COG3: variants seen among roughly 807,000 people sequenced by gnomAD.
COG3 encodes the protein conserved oligomeric Golgi complex subunit 3.
In COG3, 32 loss-of-function variants were observed where a neutral mutation model predicts 114.1. That is an observed-to-expected ratio of 0.28 (90% confidence interval 0.21 to 0.38). The LOEUF is 0.38. COG3 is among the 10% of genes least tolerant of loss of function. The pLI is 1.00. For missense variants in COG3, 813 were observed against 973.2 expected, an observed-to-expected ratio of 0.84 and a Z score of 2.19; for synonymous variants, 352 against 365.7, an observed-to-expected ratio of 0.96 and a Z score of 0.43.
rs1871528273 is a variant in COG3, at chr13:45,516,281, C to G, written c.1930+18C>G. 6.4e-7 allele frequency: 1 copy of G among 1,561,454 alleles called. No individual in the cohort carries two copies. The highest frequency in any genetic ancestry group is 2.3e-5 in the East Asian group (1 of 44,044). ...AACTAGAGGTACTTTGCTGTCCTGGCTGGCACACTTGGGTGTGTTTGATCT... is the reference window on the plus strand; with the variant it reads ...AACTAGAGGTACTTTGCTGTCCTGGGTGGCACACTTGGGTGTGTTTGATCT... On this transcript the variant is annotated intron_variant, in intron 17 of 22. Coordinates refer to ENST00000349995, the MANE Select transcript of COG3 (RefSeq NM_031431.4).
At chr13:45,486,191 T>C (rs1436368448) in intron 7 of COG3, among the ~76,000 whole-genome samples, 2 of 144,402 alleles carry the variant, frequency 1.4e-5, no homozygotes, top group African/African-American at 5.7e-5. Context: ...ATCGCAGGCA[T>C]TCGGCAGACT....
intron 22 of COG3, among the ~76,000 whole-genome samples, chr13:45,533,191 C>T (rs527703131): frequency 3.0e-4 from 45 of 150,996 alleles, no homozygotes; most frequent in Non-Finnish European, 6.5e-4. Context: ...GGATATGAAT[C>T]CAAGAGAGAC....
In COG3 at chr13:45,491,481, T is replaced by C. The variant is rs773206007; in HGVS notation, c.1038T>C (p.Ser346=). 6.2e-7 allele frequency: 1 copy of C among 1,613,746 alleles called. No homozygotes were observed. Among genetic ancestry groups the C allele is most frequent in the South Asian group, 1.1e-5 (1 of 91,058 alleles). The part of the protein sequence containing the change: ...LDQRELLLGP[S]IACTVAELTS... ...AGCGGGAGCTCCTTTTGGGCCCTAG[T>C]ATTGCTTGCACTGTTGCAGAGTTAA... The change falls in exon 10 of 23, where the codon AGT becomes AGC. Residue 346 remains serine (S), a synonymous_variant. Coordinates refer to ENST00000349995, the MANE Select transcript of COG3 (RefSeq NM_031431.4).
chr13:45,528,030 G>A (rs910976437), intron 20 of COG3, among the ~76,000 whole-genome samples: 2 of 152,078 alleles, frequency 1.3e-5, no homozygotes, highest in Non-Finnish European at 2.9e-5. Flanking sequence ...AAACAGATTA[G>A]TAATGTTTAC....
rs1375859259 is a variant in COG3, at chr13:45,493,418, T to C, written c.1259T>C (p.Leu420Ser). Residue 420 changes from leucine (L) to serine (S), a missense_variant, in exon 12 of 23, where the codon TTA (leucine) becomes TCA (serine). By Grantham distance (145) the Leu-to-Ser change is moderately radical. Transcript: ENST00000349995. ...FRPLIIHVIH[L>S]ETLSELCGIL... ...CCATTGATCATTCATGTTATTCACTTAGAGACTCTGTCGGAACTTTGTGGG... is the reference window on the plus strand; with the variant it reads ...CCATTGATCATTCATGTTATTCACTCAGAGACTCTGTCGGAACTTTGTGGG... 8.7e-6 allele frequency: 14 copies of C among 1,613,388 alleles called. No homozygotes were observed. Among genetic ancestry groups the C allele is most frequent in the Non-Finnish European group, 4.2e-6 (5 of 1,179,450 alleles).
chr13:45,497,300 C>T (rs1309503587), intron 13 of COG3, among the ~76,000 whole-genome samples: 2 of 152,104 alleles, frequency 1.3e-5, no homozygotes, highest in Non-Finnish European at 2.9e-5. Flanking sequence ...TAAATAATGC[C>T]TAAGATATTA....
intron 8 of COG3, among the ~76,000 whole-genome samples, chr13:45,486,820 A>G (rs1049939691): frequency 1.3e-5 from 2 of 152,204 alleles, no homozygotes; most frequent in African/African-American, 4.8e-5. Flanking sequence ...AAGGTGATAG[A>G]CGGGTTTTAA....
At chr13:45,497,001 A>G (rs951404578) in intron 13 of COG3, among the ~76,000 whole-genome samples, 14 of 152,236 alleles carry the variant, frequency 9.2e-5, no homozygotes, top group African/African-American at 3.4e-4. Context: ...TAAACATTCT[A>G]TTCCATTCTC....
chr13:45,471,132 G>A (rs925847744), intron 1 of COG3, among the ~76,000 whole-genome samples: 6 of 152,156 alleles, frequency 3.9e-5, no homozygotes, highest in African/African-American at 1.2e-4. Context: ...GGCTGGGCAT[G>A]GTGGCTCACC....
At chr13:45,483,455 A>G (rs544969800) in intron 7 of COG3, 100 bp downstream of exon 7, 15 of 877,984 alleles carry the variant, frequency 1.7e-5, no homozygotes, top group Non-Finnish European at 2.1e-5. Flanking sequence ...TTGTAATTCC[A>G]AAAAATTTTA....
chr13:45,534,656 G>A (rs371121297), intron 22 of COG3, 46 bp from the exon 23 acceptor site: 5 of 1,426,142 alleles, frequency 3.5e-6, no homozygotes, highest in East Asian at 2.5e-5. Flanking sequence ...TCTTGAGGAC[G>A]GTATTCCATA....
At chr13:45,530,856 G>A (rs1260345366) in intron 22 of COG3, 76 bp downstream of exon 22, 61 of 1,459,262 alleles carry the variant, frequency 4.2e-5, no homozygotes, top group Non-Finnish European at 5.4e-5. Flanking sequence ...ATGTCTTTGA[G>A]CAAACATATT....
rs776990693 is a variant in COG3 at position 45,492,163 on chromosome 13, G to C, written c.1100G>C (p.Arg367Pro). The C allele has an allele frequency of 6.3e-7, 1 of 1,598,848 alleles. No individual in the cohort carries two copies. Among genetic ancestry groups the C allele is most frequent in the African/African-American group, 1.3e-5 (1 of 74,082 alleles). The change falls in exon 11 of 23, where the codon CGT (arginine) becomes CCT (proline). Residue 367 changes from arginine (R) to proline (P), a missense_variant. Coordinates refer to ENST00000349995, the MANE Select transcript of COG3 (RefSeq NM_031431.4). ...GTGTGTGTTTGTTTACTGCAGGTTC[G>C]TAGTGGCTGTGCCTTCATGGTTCAT... ...QNNRDHCALV[R>P]SGCAFMVHVC...
Position 45,490,946 on chromosome 13 carries a change from A to T in COG3, c.956A>T (p.Glu319Val). ...ATTGAACAAATAGAACTGCGGTCTG[A>T]AAAAATACCTGAGTGAGTACCTAGA... ...TLIEQIELRS[E>V]KIPEYQQLLN... is the part of the protein sequence containing the mutation. The change falls in exon 9 of 23, where the codon GAA (glutamate) becomes GTA (valine). Residue 319 changes from glutamate to valine, a missense_variant. Physicochemically the swap from Glu to Val is moderately radical, Grantham distance 121. This residue lies in a region of COG3 where 424 missense variants were observed against 430.6 expected (regional missense o/e 0.98). Coordinates refer to ENST00000349995, the MANE Select transcript of COG3 (RefSeq NM_031431.4). 6.3e-7 allele frequency: 1 copy of T among 1,597,678 alleles called. No individual in the cohort carries two copies. Among genetic ancestry groups the T allele is most frequent in the Non-Finnish European group, 8.6e-7 (1 of 1,168,422 alleles).
At chr13:45,499,320 G>A (rs1034574384) in intron 13 of COG3, among the ~76,000 whole-genome samples, 3 of 152,102 alleles carry the variant, frequency 2.0e-5, no homozygotes, top group Non-Finnish European at 4.4e-5. Flanking sequence ...ATGATTAATA[G>A]CAAACTTAAT....
chr13:45,473,605 CTG>C (rs1400367540), intron 1 of COG3, among the ~76,000 whole-genome samples: 3 of 152,116 alleles, frequency 2.0e-5, no homozygotes, highest in African/African-American at 7.2e-5. Flanking sequence ...TAAACTTACT[CTG>C]TTGCTGCTAT....
At chr13:45,479,275 T>C (rs933401447) in intron 3 of COG3, among the ~76,000 whole-genome samples, 1 of 152,208 alleles carries the variant, frequency 6.6e-6, no homozygotes, top group African/African-American at 2.4e-5. Flanking sequence ...AATTACATTA[T>C]AATTAATAGG....
intron 20 of COG3, among the ~76,000 whole-genome samples, chr13:45,526,024 T>G (rs1220323106): frequency 6.6e-6 from 1 of 151,804 alleles, no homozygotes; most frequent in African/African-American, 2.4e-5. Context: ...TGTTAGGTAT[T>G]CATTTTCTTT....
chr13:45,508,281 G>C (rs76014261), intron 14 of COG3, among the ~76,000 whole-genome samples: 2,391 of 149,336 alleles, frequency 0.016, 26 homozygotes, highest in South Asian at 0.043. Context: ...TCTTATTATT[G>C]AAAACATTCC....
Sources: allele counts gnomAD v4.1 joint callset (sites outside exome capture counted in the v4.1 genomes callset), GRCh38; gene constraint gnomAD v4.1.1; regional missense constraint gnomAD v4.1.1; transcripts MANE v1.5; gene names NCBI Gene and HGNC (gene_info 2026-07-23, HGNC 2026-07-21).